XPO6: variants seen among roughly 807,000 people sequenced by gnomAD.
XPO6 encodes the protein exportin-6.
XPO6 carries 3 observed loss-of-function variants against 130.0 expected under a neutral mutation model. The ratio of observed to expected loss-of-function variants is 0.02; its 90% CI spans 0.01 to 0.06. XPO6 has a LOEUF of 0.06. Among genes scored for constraint, XPO6 ranks in the 10% least tolerant of loss-of-function variants. XPO6 has a pLI of 1.00. For missense variants in XPO6, 970 were observed against 1,393.0 expected (o/e 0.70, Z 4.83); for synonymous variants, 524 against 548.9 (o/e 0.95, Z 0.63).
rs768912335 is a variant in XPO6, at chr16:28,104,745, G to A, written c.2785-38C>T. The A allele has an allele frequency of 1.5e-5, 24 of 1,609,320 alleles. No homozygotes were observed. In the South Asian group the frequency reaches 2.1e-4, roughly 14 times the overall value. On this transcript the variant is annotated intron_variant, in intron 20 of 23. Coordinates refer to ENST00000304658, the MANE Select transcript of XPO6 (RefSeq NM_015171.4). ...ACAGACGCTCAGACCTGCAGCTTGCGGAGCTGCTCCGGCCTGGGCCCAGGG... is the reference window on the plus strand; with the variant it reads ...ACAGACGCTCAGACCTGCAGCTTGCAGAGCTGCTCCGGCCTGGGCCCAGGG...
chr16:28,119,794 T>A (rs1319876628), intron 14 of XPO6, among the ~76,000 whole-genome samples: 1 of 152,194 alleles, frequency 6.6e-6, no homozygotes, highest in African/African-American at 2.4e-5. Context: ...CTGAATGAAC[T>A]TATTTCTAGG....
intron 1 of XPO6, among the ~76,000 whole-genome samples, chr16:28,196,107 T>C (rs2043858268): frequency 6.6e-6 from 1 of 152,186 alleles, no homozygotes; most frequent in Admixed American, 6.5e-5. Flanking sequence ...TTAGGTTCCA[T>C]CCTACCCCAA....
chr16:28,160,274 C>CGGA (rs1476228339), intron 6 of XPO6, among the ~76,000 whole-genome samples: 1 of 149,138 alleles, frequency 6.7e-6, no homozygotes, highest in Non-Finnish European at 1.5e-5. Flanking sequence ...GAGGCTGAAG[C>CGGA]GGATAAATCA....
At chr16:28,169,355 C>T (rs1012062076) in intron 5 of XPO6, among the ~76,000 whole-genome samples, 2 of 152,218 alleles carry the variant, frequency 1.3e-5, no homozygotes, top group African/African-American at 4.8e-5. Flanking sequence ...TGTCTCACTT[C>T]CTTACCCAGA....
chr16:28,204,281 A>G (rs1290458365), intron 1 of XPO6, among the ~76,000 whole-genome samples: 1 of 152,096 alleles, frequency 6.6e-6, no homozygotes, highest in Non-Finnish European at 1.5e-5. Flanking sequence ...TTGTACAAAA[A>G]GAGAAGTAAA....
rs779814232 is a variant in XPO6, at chr16:28,156,226, G to A, written c.945C>T (p.Cys315=). 7 of 1,614,140 alleles carry A rather than the reference G, an allele frequency of 4.3e-6. No individual in the cohort carries two copies. The highest frequency in any genetic ancestry group is 1.6e-4 in the Middle Eastern group (1 of 6,062). The change falls in exon 7 of 24, where the codon TGC becomes TGT. Residue 315 remains cysteine, a synonymous_variant. Coordinates refer to ENST00000304658, the MANE Select transcript of XPO6 (RefSeq NM_015171.4). ...RGRLGVLAMS[C]INELMSKNCV... ...AGTTCTTGGACATGAGTTCATTGAT[G>A]CAGGACATGGCCAGGACCCCCAGCC...
chr16:28,139,641 C>T (rs1358866239), intron 9 of XPO6, among the ~76,000 whole-genome samples: 1 of 152,030 alleles, frequency 6.6e-6, no homozygotes, highest in Non-Finnish European at 1.5e-5. Context: ...GGCTAAAGGA[C>T]TCTAATCTAT....
Position 28,098,729 on chromosome 16 carries a change from C to T in XPO6, c.3277-90G>A. ...AGCTACTTCCATCCCAGAGTGTGCA[C>T]TGAAGATAGGGGAGCACTTTCTAAA... On this transcript the variant is annotated intron_variant, in intron 23 of 23. Coordinates refer to ENST00000304658, the MANE Select transcript of XPO6 (RefSeq NM_015171.4). 6.4e-6 allele frequency: 6 copies of T among 932,330 alleles called. No individual in the cohort carries two copies. In the South Asian group the frequency reaches 1.0e-4, roughly 15 times the overall value. 57.8% of individuals were successfully genotyped at this position (932,330 alleles called of 1,614,324 possible).
chr16:28,112,644 C>A (rs561665095), intron 16 of XPO6, among the ~76,000 whole-genome samples: 2 of 152,258 alleles, frequency 1.3e-5, no homozygotes, highest in Non-Finnish European at 2.9e-5. Flanking sequence ...CCGAAATTAC[C>A]AGGCTGCAAA....
At chr16:28,115,356 T>C (rs776421706) in intron 15 of XPO6, among the ~76,000 whole-genome samples, 1 of 152,198 alleles carries the variant, frequency 6.6e-6, no homozygotes, top group South Asian at 2.1e-4. Flanking sequence ...ACAGAATGGA[T>C]GTTGTGTGAG....
intron 14 of XPO6, among the ~76,000 whole-genome samples, chr16:28,118,222 C>T (rs973747466): frequency 1.3e-5 from 2 of 152,166 alleles, no homozygotes; most frequent in Non-Finnish European, 2.9e-5. Context: ...ACGACTCCTG[C>T]CTAAATCAGT....
At chr16:28,125,969 A>C in intron 12 of XPO6, 121 bp from the exon 13 acceptor site, 12 of 1,273,288 alleles carry the variant, frequency 9.4e-6, no homozygotes, top group South Asian at 1.4e-5. Flanking sequence ...TCGCGAAACA[A>C]AGCAACCCAC....
intron 1 of XPO6, among the ~76,000 whole-genome samples, chr16:28,192,949 C>A (rs2043808506): frequency 6.6e-6 from 1 of 152,136 alleles, no homozygotes; most frequent in African/African-American, 2.4e-5. Context: ...CCAGTCCTGG[C>A]TCTACTGAGT....
At chr16:28,206,426 A>G (rs1301285926) in intron 1 of XPO6, among the ~76,000 whole-genome samples, 1 of 152,158 alleles carries the variant, frequency 6.6e-6, no homozygotes, top group East Asian at 1.9e-4. Context: ...ATGGGCCTGT[A>G]GTCTCAGCTA....
intron 4 of XPO6, among the ~76,000 whole-genome samples, chr16:28,174,305 T>C (rs1226007855): frequency 6.6e-6 from 1 of 152,170 alleles, no homozygotes; most frequent in Non-Finnish European, 1.5e-5. Flanking sequence ...TGCTCAAATG[T>C]CTGTCCCCAG....
At chr16:28,194,966 T>C (rs965100039) in intron 1 of XPO6, among the ~76,000 whole-genome samples, 1 of 149,586 alleles carries the variant, frequency 6.7e-6, no homozygotes, top group Admixed American at 6.8e-5. Flanking sequence ...CCATTTCCTC[T>C]ATCTAGAATG....
intron 6 of XPO6, among the ~76,000 whole-genome samples, chr16:28,158,037 A>G (rs2043211159): frequency 6.6e-6 from 1 of 152,212 alleles, no homozygotes; most frequent in Admixed American, 6.5e-5. Flanking sequence ...AGTGAGCAGA[A>G]GTAGAGGACT....
At chr16:28,153,811 A>G (rs905097427) in intron 7 of XPO6, 2 of 985,292 alleles carry the variant, frequency 2.0e-6, no homozygotes, top group African/African-American at 3.5e-5. Flanking sequence ...GCTATTTTTC[A>G]AAACAGAGAT....
intron 1 of XPO6, among the ~76,000 whole-genome samples, chr16:28,203,961 T>C (rs1250453845): frequency 2.0e-5 from 3 of 152,156 alleles, no homozygotes; most frequent in Non-Finnish European, 4.4e-5. Flanking sequence ...CCCTCCATCA[T>C]CTAGCCACAA....
Sources: allele counts gnomAD v4.1 joint callset (sites outside exome capture counted in the v4.1 genomes callset), GRCh38; gene constraint gnomAD v4.1.1; transcripts MANE v1.5; gene names NCBI Gene and HGNC (gene_info 2026-07-23, HGNC 2026-07-21).